CACNA1C: variants seen among roughly 807,000 people sequenced by gnomAD.
The protein encoded by CACNA1C is voltage-dependent L-type calcium channel subunit alpha-1C.
Under a neutral mutation model 229.0 loss-of-function variants are expected in CACNA1C, and 30 were observed. That is an observed-to-expected ratio of 0.13 (90% confidence interval 0.10 to 0.18). The LOEUF (loss-of-function observed/expected upper bound fraction) is 0.18. CACNA1C is among the 10% of genes least tolerant of loss of function. The probability of loss-of-function intolerance (pLI) is 1.00; values close to 1 mark genes in which losing one functional copy is unlikely to be tolerated. For synonymous variants in CACNA1C, 1,114 were observed against 1,132.5 expected, an observed-to-expected ratio of 0.98 and a Z score of 0.33; for missense variants, 1,658 against 2,845.0, an observed-to-expected ratio of 0.58 and a Z score of 9.49.
chr12:2,315,614 C>T (rs190968274), intron 3 of CACNA1C, among the ~76,000 whole-genome samples: 1 of 152,284 alleles, frequency 6.6e-6, no homozygotes, highest in East Asian at 1.9e-4. Flanking sequence ...GTCCCGCAAG[C>T]TGTGAGTGTC....
intron 3 of CACNA1C, among the ~76,000 whole-genome samples, chr12:2,441,059 C>T (rs1366476207): frequency 6.6e-6 from 1 of 152,190 alleles, no homozygotes; most frequent in Non-Finnish European, 1.5e-5. Context: ...TGAGATACAG[C>T]GTGCTGCTTG....
At chr12:2,260,134 T>C (rs979853384) in intron 3 of CACNA1C, among the ~76,000 whole-genome samples, 2 of 152,134 alleles carry the variant, frequency 1.3e-5, no homozygotes, top group African/African-American at 4.8e-5. Flanking sequence ...AATTCCCTGC[T>C]GTGGGGGGCA....
intron 3 of CACNA1C, among the ~76,000 whole-genome samples, chr12:2,426,704 T>C (rs563937507): frequency 6.6e-6 from 1 of 152,364 alleles, no homozygotes; most frequent in East Asian, 1.9e-4. Flanking sequence ...GCTCCACTGA[T>C]CTTGGTTTGG....
At chr12:2,379,518 C>T (rs1478649288) in intron 3 of CACNA1C, among the ~76,000 whole-genome samples, 1 of 152,064 alleles carries the variant, frequency 6.6e-6, no homozygotes, top group East Asian at 1.9e-4. Flanking sequence ...TTGACGCTCC[C>T]GATAGAACAG....
intron 3 of CACNA1C, among the ~76,000 whole-genome samples, chr12:2,204,963 A>G (rs1255294575): frequency 2.0e-5 from 3 of 152,032 alleles, no homozygotes; most frequent in Admixed American, 1.3e-4. Flanking sequence ...AATTAAAAAA[A>G]ACAAAAACAA....
intron 3 of CACNA1C, among the ~76,000 whole-genome samples, chr12:2,337,311 C>T (rs758838017): frequency 6.6e-6 from 1 of 152,204 alleles, no homozygotes; most frequent in Non-Finnish European, 1.5e-5. Context: ...TTGTTTCTGG[C>T]CGTATGAACA....
chr12:2,526,967 A>AT (rs1221202946), intron 9 of CACNA1C, among the ~76,000 whole-genome samples: 1 of 152,232 alleles, frequency 6.6e-6, no homozygotes, highest in Non-Finnish European at 1.5e-5. Context: ...TGCTTTCTAA[A>AT]TAGATACATT....
chr12:2,667,844 T>G (rs1463296724), intron 37 of CACNA1C, among the ~76,000 whole-genome samples: 1 of 152,178 alleles, frequency 6.6e-6, no homozygotes, highest in African/African-American at 2.4e-5. Context: ...GGTCACCGTG[T>G]GAGCTGACAA....
chr12:2,390,414 G>A (rs2098462785), intron 3 of CACNA1C, among the ~76,000 whole-genome samples: 1 of 152,204 alleles, frequency 6.6e-6, no homozygotes, highest in African/African-American at 2.4e-5. Context: ...CAGTCACTGA[G>A]CATTTACTAT....
At chr12:2,424,174 T>G (rs1288704746) in intron 3 of CACNA1C, among the ~76,000 whole-genome samples, 1 of 152,268 alleles carries the variant, frequency 6.6e-6, no homozygotes, top group Non-Finnish European at 1.5e-5. Flanking sequence ...TTTTCCATCT[T>G]CAGTGGGTCT....
At chr12:2,683,696 G>T (rs563665058) in intron 43 of CACNA1C, among the ~76,000 whole-genome samples, 1 of 152,168 alleles carries the variant, frequency 6.6e-6, no homozygotes, top group Non-Finnish European at 1.5e-5. Flanking sequence ...CACTTTTCCA[G>T]GGGTTTAGAG....
At chr12:2,048,530 C>CA (rs1422325167), upstream of CACNA1C, 1 of 152,224 alleles carries the variant, frequency 6.6e-6, no homozygotes, top group African/African-American at 2.4e-5. Flanking sequence ...ACGACCAACA[C>CA]AGAGTGGCTG....
In CACNA1C at chr12:2,578,247, T is replaced by C. The variant is rs567937980; in HGVS notation, c.1896-3343T>C. 3.0e-4 allele frequency among the ~76,000 whole-genome samples: 46 copies of C among 152,132 alleles called. No individual in the cohort carries two copies. In the South Asian group the frequency reaches 9.1e-3, roughly 30 times the overall value. On this transcript the variant is annotated intron_variant, in intron 13 of 46. Coordinates refer to ENST00000399655, the MANE Select transcript of CACNA1C (RefSeq NM_000719.7). ...GTGAGGCCTGAAGGAGCTGAAGGGG[T>C]GAGCTCCACTGACGTCTGCCAAAGA...
chr12:2,148,237 G>A lies in CACNA1C; in HGVS notation c.477+27807G>A, dbSNP rs994184508. On this transcript the variant is annotated intron_variant, in intron 3 of 46. Transcript: ENST00000399655. Reference sequence around the variant, plus strand: ...TTATGAACTAAACTCCCTGTTGCCCGATGGTTCTTTTTGGAAACTTTGTCT... The same window carrying A: ...TTATGAACTAAACTCCCTGTTGCCCAATGGTTCTTTTTGGAAACTTTGTCT... Among the ~76,000 whole-genome samples, 9 of 151,204 alleles carry A rather than the reference G, an allele frequency of 6.0e-5. 1 individual carries two copies. Among genetic ancestry groups the A allele is most frequent in the African/African-American group, 9.7e-5 (4 of 41,350 alleles).
chr12:2,168,142 G>A (rs567825194), intron 3 of CACNA1C, among the ~76,000 whole-genome samples: 63 of 152,228 alleles, frequency 4.1e-4, no homozygotes, highest in African/African-American at 1.3e-3. Context: ...AAAGGCAGAG[G>A]TCAGATCATC....
intron 9 of CACNA1C, among the ~76,000 whole-genome samples, chr12:2,540,864 A>G (rs12318263): frequency 0.16 from 24,396 of 152,174 alleles, 2,185 homozygotes; most frequent in African/African-American, 0.23. Flanking sequence ...GCTGCCCAAC[A>G]GCGTATCACA....
At chr12:2,559,336 T>A (rs548742467) in intron 11 of CACNA1C, among the ~76,000 whole-genome samples, 1 of 152,380 alleles carries the variant, frequency 6.6e-6, no homozygotes, top group African/African-American at 2.4e-5. Flanking sequence ...TACATACTTG[T>A]GTCTCGAGTT....
At chr12:2,545,512 G>A (rs897158074) in intron 9 of CACNA1C, among the ~76,000 whole-genome samples, 2 of 152,116 alleles carry the variant, frequency 1.3e-5, no homozygotes, top group Admixed American at 6.5e-5. Context: ...CAAATGAGCT[G>A]TTGATGTTGC....
intron 10 of CACNA1C, chr12:2,550,408 G>T (rs550796322): frequency 4.4e-5 from 28 of 641,614 alleles, no homozygotes; most frequent in South Asian, 1.4e-4. Flanking sequence ...AGACAGCGAG[G>T]TTAGGGCCCT....
Sources: allele counts gnomAD v4.1 joint callset (sites outside exome capture counted in the v4.1 genomes callset), GRCh38; gene constraint gnomAD v4.1.1; transcripts MANE v1.5; gene names NCBI Gene and HGNC (gene_info 2026-07-23, HGNC 2026-07-21).